IL23R: variants seen among roughly 807,000 people sequenced by gnomAD.
The protein encoded by IL23R is interleukin 23 receptor.
A neutral mutation model predicts 56.9 loss-of-function variants in IL23R; 34 were observed. The ratio of observed to expected loss-of-function variants is 0.60; its 90% confidence interval spans 0.45 to 0.80. The LOEUF (loss-of-function observed/expected upper bound fraction) is 0.80, where lower values mean the gene tolerates loss of function less well. Among genes scored for constraint, IL23R ranks in the 30% least tolerant of loss-of-function variants. The pLI is 0.00. For synonymous variants in IL23R, 230 were observed against 249.2 expected (o/e 0.92, Z 0.73); for missense variants, 635 against 730.0 (o/e 0.87, Z 1.50).
intron 4 of IL23R, among the ~76,000 whole-genome samples, chr1:67,184,375 G>A (rs553706301): frequency 1.4e-4 from 22 of 151,778 alleles, no homozygotes; most frequent in African/African-American, 3.6e-4. Context: ...GTGAAACCCC[G>A]TCTCTACTAA....
intron 7 of IL23R, among the ~76,000 whole-genome samples, chr1:67,222,102 C>CTTTTT (rs72241835): frequency 1.9e-3 from 111 of 58,862 alleles, no homozygotes; most frequent in Middle Eastern, 0.012. Flanking sequence ...TTCTTTCTTT[C>CTTTTT]TTTTTTTTTT....
chr1:67,183,012 G>C (rs1647175452), intron 4 of IL23R, 53 bp downstream of exon 4: 1 of 1,607,392 alleles, frequency 6.2e-7, no homozygotes, highest in African/African-American at 1.3e-5. Context: ...AGTTCAGCCA[G>C]AGCTCTGCCT....
chr1:67,229,427 G>A (rs1650951321), intron 7 of IL23R, among the ~76,000 whole-genome samples: 1 of 152,166 alleles, frequency 6.6e-6, no homozygotes, highest in Non-Finnish European at 1.5e-5. Context: ...ACCTCCATGT[G>A]TTCAGCTATC....
intron 7 of IL23R, among the ~76,000 whole-genome samples, chr1:67,222,583 C>A (rs1000257804): frequency 2.6e-5 from 4 of 151,898 alleles, no homozygotes; most frequent in Non-Finnish European, 4.4e-5. Context: ...AACTGCCTAG[C>A]AAGATTATGC....
chr1:67,203,849 A>G (rs1648806495), intron 5 of IL23R, among the ~76,000 whole-genome samples: 1 of 152,208 alleles, frequency 6.6e-6, no homozygotes, highest in Admixed American at 6.5e-5. Flanking sequence ...CTTGCCAAAA[A>G]AGCATATGAG....
intron 3 of IL23R, among the ~76,000 whole-genome samples, chr1:67,172,316 T>C (rs1646953345): frequency 6.6e-6 from 1 of 152,226 alleles, no homozygotes; most frequent in Non-Finnish European, 1.5e-5. Flanking sequence ...AATGATTATA[T>C]GTATTTTTTT....
chr1:67,201,170 G>A (rs1209604792), intron 5 of IL23R, among the ~76,000 whole-genome samples: 2 of 151,978 alleles, frequency 1.3e-5, no homozygotes, highest in African/African-American at 2.4e-5. Flanking sequence ...TTGGGAGGTC[G>A]AGGTGGGCGA....
chr1:67,155,739 G>A (rs2102538015), intron 1 of IL23R, among the ~76,000 whole-genome samples: 1 of 152,266 alleles, frequency 6.6e-6, no homozygotes, highest in East Asian at 1.9e-4. Flanking sequence ...GTTAGAACAT[G>A]CTCCTTTATC....
intron 9 of IL23R, among the ~76,000 whole-genome samples, chr1:67,254,956 G>A (rs888902026): frequency 6.6e-6 from 1 of 152,128 alleles, no homozygotes; most frequent in Admixed American, 6.5e-5. Flanking sequence ...GTAGAAACCA[G>A]TTCTCACTAT....
intron 4 of IL23R, among the ~76,000 whole-genome samples, chr1:67,188,521 A>G (rs1035135663): frequency 6.6e-6 from 1 of 152,238 alleles, no homozygotes; most frequent in African/African-American, 2.4e-5. Context: ...AATGCCACAA[A>G]GCTTATAAAA....
chr1:67,247,935 A>C (rs192011560), intron 9 of IL23R, among the ~76,000 whole-genome samples: 1 of 152,296 alleles, frequency 6.6e-6, no homozygotes, highest in East Asian at 1.9e-4. Context: ...AATGTTGAAC[A>C]TTGACCCCCA....
In IL23R at chr1:67,249,682, C is replaced by T. The variant is rs1348619420; in HGVS notation, c.1149-6155C>T. On this transcript the variant is annotated intron_variant, in intron 9 of 10. Transcript: ENST00000347310. ...ACATGTCAGATAATCCTATTTACCT[C>T]TCCTTTGGATGCTCCAAGGGCCCTC... is the stretch of plus-strand genomic sequence containing the variant. Among the ~76,000 whole-genome samples, 6 of 152,192 alleles carry T rather than the reference C, an allele frequency of 3.9e-5. 2 individuals are homozygous for T. Among genetic ancestry groups the T allele is most frequent in the Admixed American group, 3.9e-4 (6 of 15,288 alleles).
At chr1:67,142,668 C>T (rs540798082) in intron 1 of IL23R, among the ~76,000 whole-genome samples, 5 of 152,190 alleles carry the variant, frequency 3.3e-5, no homozygotes, top group South Asian at 4.1e-4. Context: ...TGGGTTCAAG[C>T]GATTCTCCTG....
At chr1:67,142,924 G>A (rs1371757746) in intron 1 of IL23R, among the ~76,000 whole-genome samples, 1 of 152,168 alleles carries the variant, frequency 6.6e-6, no homozygotes, top group Non-Finnish European at 1.5e-5. Flanking sequence ...TGTGTTCAGA[G>A]TATAACCTTA....
intron 7 of IL23R, among the ~76,000 whole-genome samples, chr1:67,230,140 A>G (rs1558255472): frequency 6.6e-6 from 1 of 152,178 alleles, no homozygotes. Flanking sequence ...GGATACAGCT[A>G]TGGTGCCCAC....
At chr1:67,251,030 A>G (rs1476191143) in intron 9 of IL23R, among the ~76,000 whole-genome samples, 3 of 152,116 alleles carry the variant, frequency 2.0e-5, no homozygotes. Context: ...AAGGAGTCCT[A>G]GGCTATCAGA....
At chr1:67,189,448 G>A (rs76000477) in intron 4 of IL23R, among the ~76,000 whole-genome samples, 2,979 of 152,140 alleles carry the variant, frequency 0.02, 93 homozygotes, top group African/African-American at 0.069. Flanking sequence ...ACCTAACCAA[G>A]TTCTGAATTG....
At chr1:67,208,422 G>GA (rs1188152771) in intron 6 of IL23R, among the ~76,000 whole-genome samples, 1 of 152,124 alleles carries the variant, frequency 6.6e-6, no homozygotes, top group Non-Finnish European at 1.5e-5. Context: ...AGGCCCAGGA[G>GA]AAAAAAGTGG....
intron 9 of IL23R, among the ~76,000 whole-genome samples, chr1:67,252,010 T>C (rs1185924392): frequency 6.6e-6 from 1 of 151,922 alleles, no homozygotes; most frequent in Non-Finnish European, 1.5e-5. Context: ...GATGGAGACC[T>C]CATCCAGTTT....
Sources: allele counts gnomAD v4.1 joint callset (sites outside exome capture counted in the v4.1 genomes callset), GRCh38; gene constraint gnomAD v4.1.1; transcripts MANE v1.5; gene names NCBI Gene and HGNC (gene_info 2026-07-23, HGNC 2026-07-21).